The following CDYL2 variants were observed in gnomAD, a reference collection of about 807,000 sequenced individuals.
CDYL2 encodes chromodomain Y-like protein 2.
In CDYL2, 23 loss-of-function variants were observed where a neutral mutation model predicts 49.4. The observed-to-expected ratio is 0.47, with a 90% CI of 0.34 to 0.66. The LOEUF (loss-of-function observed/expected upper bound fraction) is 0.66, where lower values mean the gene tolerates loss of function less well. Ranked by LOEUF, CDYL2 falls within the 30% of genes least tolerant of loss-of-function variation. The pLI is 0.01. For synonymous variants in CDYL2, 360 were observed against 268.8 expected (o/e 1.34, Z -3.32); for missense variants, 678 against 656.4 (o/e 1.03, Z -0.36).
rs867783644 is a variant in CDYL2, at chr16:80,723,588, T to C, written c.25-38459A>G. Among the ~76,000 whole-genome samples, 3 of 152,212 alleles carry C rather than the reference T, an allele frequency of 2.0e-5. No homozygotes were observed. In the South Asian group the frequency reaches 6.2e-4, roughly 31 times the overall value. Reference sequence around the variant, plus strand: ...CCAATGAGATACTGATTCCACAGGATAGTCCCCCATGTTCCTTAGGATAAA... The same window carrying C: ...CCAATGAGATACTGATTCCACAGGACAGTCCCCCATGTTCCTTAGGATAAA... On this transcript the variant is annotated intron_variant, in intron 1 of 6. Transcript: ENST00000570137.
chr16:80,746,178 G>A (rs1597112546), intron 1 of CDYL2, among the ~76,000 whole-genome samples: 1 of 152,114 alleles, frequency 6.6e-6, no homozygotes, highest in African/African-American at 2.4e-5. Context: ...TGAAAATAAG[G>A]GCAATTACTC....
At chr16:80,789,748 A>G (rs369604887) in intron 1 of CDYL2, among the ~76,000 whole-genome samples, 19 of 152,372 alleles carry the variant, frequency 1.2e-4, no homozygotes, top group African/African-American at 4.6e-4. Context: ...GAATGAAATC[A>G]TATCTTTTGC....
At chr16:80,780,591 G>C (rs1291778450) in intron 1 of CDYL2, among the ~76,000 whole-genome samples, 4 of 151,690 alleles carry the variant, frequency 2.6e-5, no homozygotes, top group Admixed American at 2.6e-4. Flanking sequence ...ATTTTTAGTA[G>C]AGACGAGGTT....
At position 80,603,941 on chromosome 16, in the gene CDYL2, T is replaced by A; in HGVS notation, c.*447A>T. On this transcript the variant is annotated 3_prime_UTR_variant, in exon 7 of 7. Transcript: ENST00000570137. ...ATCATTTTGCTCATTGGTCTGGAAA[T>A]TCCCTAAGATTGGTCGTCCTCTGAC... 6.1e-6 allele frequency: 1 copy of A among 163,894 alleles called. No individual in the cohort carries two copies. Among genetic ancestry groups the A allele is most frequent in the Admixed American group, 5.8e-5 (1 of 17,120 alleles). The allele number at this position is 163,894 out of a possible 1,614,324, so 10.2% of individuals were successfully genotyped here.
In CDYL2 at chr16:80,686,033, C is replaced by T. The variant is rs554817339; in HGVS notation, c.25-904G>A. Among the ~76,000 whole-genome samples, 12 of 152,302 alleles carry T rather than the reference C, an allele frequency of 7.9e-5. No individual in the cohort carries two copies. The East Asian group carries it at 1.7e-3, about 22-fold the overall frequency. ...CTCACATGTCCCTGTGGGTGTACAC[C>T]ACTATTATTTTTCCATTTGATAGAT... On this transcript the variant is annotated intron_variant, in intron 1 of 6. Coordinates refer to ENST00000570137, the MANE Select transcript of CDYL2 (RefSeq NM_152342.4).
chr16:80,691,745 A>G (rs555033493), intron 1 of CDYL2, among the ~76,000 whole-genome samples: 181 of 152,336 alleles, frequency 1.2e-3, no homozygotes, highest in African/African-American at 4.2e-3. Flanking sequence ...GTCTTCCAAT[A>G]CTACAGAAAA....
At chr16:80,691,140 A>T (rs1006384465) in intron 1 of CDYL2, among the ~76,000 whole-genome samples, 1 of 152,166 alleles carries the variant, frequency 6.6e-6, no homozygotes, top group African/African-American at 2.4e-5. Context: ...CCCTGGCCAG[A>T]AACAGTTCAT....
intron 3 of CDYL2, among the ~76,000 whole-genome samples, chr16:80,626,172 C>T (rs1474094313): frequency 6.7e-6 from 1 of 149,838 alleles, no homozygotes; most frequent in Non-Finnish European, 1.5e-5. Context: ...GTGGTGCATG[C>T]CAGTGGTCCC....
intron 2 of CDYL2, among the ~76,000 whole-genome samples, chr16:80,654,099 ACT>A (rs1036363470): frequency 6.6e-5 from 10 of 152,168 alleles, no homozygotes. Context: ...TCTCACGATG[ACT>A]CTGCTCAGCC....
intron 1 of CDYL2, among the ~76,000 whole-genome samples, chr16:80,789,211 T>C (rs571682405): frequency 6.6e-6 from 1 of 152,170 alleles, no homozygotes; most frequent in Non-Finnish European, 1.5e-5. Context: ...GAAAACAGTA[T>C]AGAGGTATCT....
intron 2 of CDYL2, among the ~76,000 whole-genome samples, chr16:80,655,669 G>A (rs556093702): frequency 7.2e-5 from 11 of 152,278 alleles, no homozygotes; most frequent in Non-Finnish European, 1.3e-4. Flanking sequence ...CACTGGGCTC[G>A]CCTCTCCGAT....
At chr16:80,739,110 G>A (rs1201633363) in intron 1 of CDYL2, among the ~76,000 whole-genome samples, 1 of 152,174 alleles carries the variant, frequency 6.6e-6, no homozygotes, top group African/African-American at 2.4e-5. Context: ...ACTTCAATAT[G>A]GATGAACGCT....
At chr16:80,731,155 C>G (rs1597104370) in intron 1 of CDYL2, among the ~76,000 whole-genome samples, 1 of 151,918 alleles carries the variant, frequency 6.6e-6, no homozygotes, top group Middle Eastern at 3.4e-3. Context: ...CTTCCAGAGA[C>G]AAGAGAAAAC....
intron 1 of CDYL2, among the ~76,000 whole-genome samples, chr16:80,686,937 T>C (rs943200786): frequency 5.3e-5 from 8 of 152,252 alleles, no homozygotes; most frequent in Non-Finnish European, 1.2e-4. Context: ...TTAGATATAA[T>C]ACACAAACTC....
At chr16:80,782,652 C>A (rs1470812194) in intron 1 of CDYL2, among the ~76,000 whole-genome samples, 1 of 150,742 alleles carries the variant, frequency 6.6e-6, no homozygotes, top group African/African-American at 2.4e-5. Flanking sequence ...CACACCATGA[C>A]CAAGAGGGAT....
Position 80,770,434 on chromosome 16 carries a change from T to C in CDYL2, c.24+33716A>G, listed in dbSNP as rs377329728. 4.9e-4 allele frequency among the ~76,000 whole-genome samples: 75 copies of C among 152,194 alleles called. No homozygotes were observed. In the Middle Eastern group the frequency reaches 0.01, roughly 21 times the overall value. ...TTCAAAGAAATAATGTGCAACAAAA[T>C]CTTCACAACCAGCCAAGCTAAATAT... On this transcript the variant is annotated intron_variant, in intron 1 of 6. Transcript: ENST00000570137.
intron 1 of CDYL2, among the ~76,000 whole-genome samples, chr16:80,774,286 T>A (rs1021646048): frequency 6.6e-6 from 1 of 151,498 alleles, no homozygotes; most frequent in African/African-American, 2.4e-5. Flanking sequence ...ATTATGCTAA[T>A]AAGCCAGGCG....
At chr16:80,688,870 C>G (rs915562045) in intron 1 of CDYL2, among the ~76,000 whole-genome samples, 1 of 152,104 alleles carries the variant, frequency 6.6e-6, no homozygotes, top group African/African-American at 2.4e-5. Context: ...TCCAAACTTC[C>G]TGCACTGTCT....
intron 1 of CDYL2, among the ~76,000 whole-genome samples, chr16:80,690,179 G>C (rs1910358885): frequency 6.6e-6 from 1 of 151,932 alleles, no homozygotes. Flanking sequence ...TACTCTGATG[G>C]CAAAGAGGAA....
Sources: gnomAD v4.1 joint callset for allele counts (sites outside exome capture counted in the v4.1 genomes callset) on GRCh38, gnomAD v4.1.1 for gene constraint, MANE v1.5 for transcripts, NCBI Gene and HGNC (gene_info 2026-07-23, HGNC 2026-07-21) for gene names.